Variants in TCN2 observed in about 807,000 individuals in gnomAD.
TCN2 encodes transcobalamin 2, also known as transcobalamin-2.
Under a neutral mutation model 48.6 loss-of-function variants are expected in TCN2, and 34 were observed. The observed-to-expected ratio is 0.70, with a 90% CI of 0.53 to 0.93. The LOEUF is 0.93. Among genes scored for constraint, TCN2 ranks in the 40% least tolerant of loss-of-function variants. The pLI is 0.00. For missense variants in TCN2, 652 were observed against 526.1 expected (o/e 1.24, Z -2.34); for synonymous variants, 283 against 212.5 (o/e 1.33, Z -2.89).
rs1245349190 is a variant in TCN2 at position 30,627,254 on chromosome 22, GATACT to G, written c.*736_*740del. 1.9e-5 allele frequency: 3 copies of G among 156,192 alleles called. No individual in the cohort carries two copies. Among genetic ancestry groups the G allele is most frequent in the Admixed American group, 1.8e-4 (3 of 16,324 alleles). 9.7% of individuals were successfully genotyped at this position (156,192 alleles called of 1,614,324 possible). A position where few individuals can be genotyped will look rare whatever the true frequency, so the allele number is the denominator to read the frequency against. On this transcript the variant is annotated 3_prime_UTR_variant, in exon 9 of 9. Transcript: ENST00000215838. Reference sequence around the variant, plus strand: ...ACTATGACTGAGCACTCACTCGCTAGATACTATCTTGAACTGCTCTGTGAGGTTGT... The same window carrying G: ...ACTATGACTGAGCACTCACTCGCTAGATCTTGAACTGCTCTGTGAGGTTGT...
Position 30,612,287 on chromosome 22 carries a change from G to A in TCN2, c.258-586G>A, listed in dbSNP as rs576300911. 5.3e-5 allele frequency among the ~76,000 whole-genome samples: 8 copies of A among 151,800 alleles called. No individual in the cohort carries two copies. In the South Asian group the frequency reaches 1.3e-3, roughly 24 times the overall value. ...AATATGGCTGGGTGTGGTGGCTCACGCCTGTAATCCCAGCACTTTGGGAGG... is the reference window on the plus strand; with the variant it reads ...AATATGGCTGGGTGTGGTGGCTCACACCTGTAATCCCAGCACTTTGGGAGG... On this transcript the variant is annotated intron_variant, in intron 2 of 8. Transcript: ENST00000215838.
chr22:30,622,297 G>A (rs973649316), intron 7 of TCN2, among the ~76,000 whole-genome samples: 3 of 152,228 alleles, frequency 2.0e-5, no homozygotes, highest in African/African-American at 7.2e-5. Flanking sequence ...CAGGCCCACG[G>A]AGTTTTAAGA....
rs75772248 is a variant in TCN2, at chr22:30,614,326, C to T, written c.428-23C>T. The stretch of plus-strand genomic sequence containing the variant: ...TGCTGGGTGGGGGCAGAGAGGCAAC[C>T]CCTCTGTTTTTTTCCCTCTCAGGGC... On this transcript the variant is annotated intron_variant, in intron 3 of 8. Coordinates refer to ENST00000215838, the MANE Select transcript of TCN2 (RefSeq NM_000355.4). 4,037 of 1,613,592 alleles carry T rather than the reference C, an allele frequency of 2.5e-3. 78 individuals carry two copies. The African/African-American group carries it at 0.046, about 19-fold the overall frequency.
Position 30,615,493 on chromosome 22 carries a change from G to A in TCN2, c.753+20G>A, listed in dbSNP as rs1203214213. On this transcript the variant is annotated intron_variant, in intron 5 of 8. Transcript: ENST00000215838. The stretch of plus-strand genomic sequence containing the variant: ...TTACAGGTGGGAAAGAGACCCTGGA[G>A]CCATGGCCACCCTGGGGAACAGTCA... 1.3e-5 allele frequency: 21 copies of A among 1,613,130 alleles called. No individual in the cohort carries two copies. The highest frequency in any genetic ancestry group is 1.8e-5 in the Non-Finnish European group (21 of 1,179,600).
At chr22:30,616,728 G>T (rs569828929) in intron 6 of TCN2, among the ~76,000 whole-genome samples, 1 of 152,274 alleles carries the variant, frequency 6.6e-6, no homozygotes, top group South Asian at 2.1e-4. Context: ...TTGAACCTGG[G>T]AGACAGAGGT....
At chr22:30,614,823 C>G (rs1177641426) in intron 4 of TCN2, among the ~76,000 whole-genome samples, 1 of 152,168 alleles carries the variant, frequency 6.6e-6, no homozygotes, top group East Asian at 1.9e-4. Context: ...GCAGGAGAAT[C>G]ACTTGAACCT....
intron 6 of TCN2, 94 bp from the exon 7 acceptor site, chr22:30,617,236 C>CA (rs902435318): frequency 4.5e-5 from 70 of 1,560,810 alleles, no homozygotes; most frequent in Non-Finnish European, 5.6e-5. Context: ...TGGGGAAGGA[C>CA]AAAGTCCAGG....
chr22:30,622,133 A>C lies in TCN2; in HGVS notation c.1107-835A>C, dbSNP rs533413387. 1.2e-4 allele frequency among the ~76,000 whole-genome samples: 19 copies of C among 152,300 alleles called. No individual in the cohort carries two copies. The South Asian group carries it at 3.9e-3, about 32-fold the overall frequency. ...CTCCCCAGTAGCTGGGATTACTGGC[A>C]TGAACCACCACACCTGGCTAATTTT... is the stretch of plus-strand genomic sequence containing the variant. On this transcript the variant is annotated intron_variant, in intron 7 of 8. Coordinates refer to ENST00000215838, the MANE Select transcript of TCN2 (RefSeq NM_000355.4).
Position 30,613,031 on chromosome 22 carries a change from AGAG to A in TCN2, c.417_419del (p.Arg140del), listed in dbSNP as rs752828264. On this transcript the variant is annotated inframe_deletion, in exon 3 of 9. Coordinates refer to ENST00000215838, the MANE Select transcript of TCN2 (RefSeq NM_000355.4). ...CTCAAATGGTTCCTGGAGGATGAGA[AGAG>A]AGCCATTGGTGAGCAGACACCATCC... The A allele has an allele frequency of 3.7e-6, 6 of 1,614,018 alleles. No individual in the cohort carries two copies. In the Admixed American group the frequency reaches 8.3e-5, roughly 22 times the overall value.
At chr22:30,616,250 G>A (rs918416150) in intron 6 of TCN2, among the ~76,000 whole-genome samples, 4 of 152,144 alleles carry the variant, frequency 2.6e-5, no homozygotes, top group South Asian at 4.1e-4. Flanking sequence ...TTGGGAGGCC[G>A]AGGCGGGTGG....
intron 1 of TCN2, chr22:30,610,374 G>A (rs773883998): frequency 5.3e-5 from 24 of 453,874 alleles, no homozygotes; most frequent in East Asian, 1.4e-4. Context: ...TTTTGTAAAC[G>A]GGTAGCACAC....
chr22:30,616,147 C>T (rs1000774385), intron 6 of TCN2, among the ~76,000 whole-genome samples: 1 of 152,136 alleles, frequency 6.6e-6, no homozygotes, highest in Non-Finnish European at 1.5e-5. Flanking sequence ...CAGGCTTTCT[C>T]TGAGAGAGGG....
Position 30,614,385 on chromosome 22 carries a change from A to C in TCN2, c.464A>C (p.Tyr155Ser). The change falls in exon 4 of 9, where the codon TAC becomes TCC. Residue 155 changes from tyrosine (Y) to serine (S), a missense_variant. Physicochemically the swap from Tyr to Ser is moderately radical, Grantham distance 144 (BLOSUM62 -2). Coordinates refer to ENST00000215838, the MANE Select transcript of TCN2 (RefSeq NM_000355.4). ...DHKGHPHTSY[Y>S]QYGLGILALC... Reference sequence around the variant, plus strand: ...AAGGGCCACCCCCACACTAGCTACTACCAGTATGGCCTGGGCATTCTGGCC... The same window carrying C: ...AAGGGCCACCCCCACACTAGCTACTCCCAGTATGGCCTGGGCATTCTGGCC... 6.2e-7 allele frequency: 1 copy of C among 1,614,044 alleles called. No individual in the cohort carries two copies. The highest frequency in any genetic ancestry group is 8.5e-7 in the Non-Finnish European group (1 of 1,180,000).
Position 30,623,921 on chromosome 22 carries a change from T to C in TCN2, c.1222+838T>C, listed in dbSNP as rs796386976. 2.1e-4 allele frequency among the ~76,000 whole-genome samples: 5 copies of C among 23,356 alleles called. 1 individual carries two copies. The highest frequency in any genetic ancestry group is 5.2e-4 in the Admixed American group (1 of 1,916). The allele number at this position is 23,356 out of a possible 152,430, so 15.3% of individuals were successfully genotyped here. ...ATGTATACATATATATACACACATA[T>C]ATATGTATACATATATACACACACA... On this transcript the variant is annotated intron_variant, in intron 8 of 8. Coordinates refer to ENST00000215838, the MANE Select transcript of TCN2 (RefSeq NM_000355.4).
At chr22:30,624,816 A>G (rs142951513) in intron 8 of TCN2, among the ~76,000 whole-genome samples, 285 of 152,310 alleles carry the variant, frequency 1.9e-3, no homozygotes, top group African/African-American at 6.2e-3. Context: ...TCACTCCTCT[A>G]TCTTCCTTGG....
At chr22:30,609,879 T>C (rs75002868) in intron 1 of TCN2, among the ~76,000 whole-genome samples, 2,543 of 152,156 alleles carry the variant, frequency 0.017, 33 homozygotes, top group Non-Finnish European at 0.02. Flanking sequence ...AGACACGAGG[T>C]TGTGGGACCC....
At chr22:30,621,011 G>C (rs1468846872) in intron 7 of TCN2, among the ~76,000 whole-genome samples, 1 of 152,150 alleles carries the variant, frequency 6.6e-6, no homozygotes, top group African/African-American at 2.4e-5. Context: ...TTGTTGTTTT[G>C]AGACGGAGTT....
At chr22:30,624,025 T>TACATATGTATACATATATATACACAC in intron 8 of TCN2, among the ~76,000 whole-genome samples, 1 of 38,170 alleles carries the variant, frequency 2.6e-5, no homozygotes, top group Non-Finnish European at 4.3e-5. Flanking sequence ...TATACACACA[T>TACATATGTATACATATATATACACAC]ATATATGTAT....
chr22:30,613,103 C>G lies in TCN2; in HGVS notation c.427+61C>G. On this transcript the variant is annotated intron_variant, in intron 3 of 8. Transcript: ENST00000215838. Reference sequence around the variant, plus strand: ...CTGGGAGGGCTCATCAGATGATATTCTCCAATGAGAATCAGAACTTTGGGT... The same window carrying G: ...CTGGGAGGGCTCATCAGATGATATTGTCCAATGAGAATCAGAACTTTGGGT... The G allele has an allele frequency of 2.5e-6, 4 of 1,590,522 alleles. No homozygotes were observed. The South Asian group carries it at 4.5e-5, about 18-fold the overall frequency.
Sources: gnomAD v4.1 joint callset for allele counts (sites outside exome capture counted in the v4.1 genomes callset) on GRCh38, gnomAD v4.1.1 for gene constraint, MANE v1.5 for transcripts, NCBI Gene and HGNC (gene_info 2026-07-23, HGNC 2026-07-21) for gene names.